HS6ST3: variants seen among roughly 807,000 people sequenced by gnomAD.
HS6ST3 encodes heparan sulfate 6-O-sulfotransferase 3.
HS6ST3 carries 12 observed loss-of-function variants against 36.7 expected under a neutral mutation model. The observed-to-expected ratio is 0.33, with a 90% CI of 0.21 to 0.53. HS6ST3 has a LOEUF of 0.53. Ranked by LOEUF, HS6ST3 falls within the 20% of genes least tolerant of loss-of-function variation. The probability of loss-of-function intolerance (pLI) is 0.95; values close to 1 mark genes in which losing one functional copy is unlikely to be tolerated. For synonymous variants in HS6ST3, 240 were observed against 257.5 expected, an observed-to-expected ratio of 0.93 and a Z score of 0.65; for missense variants, 584 against 640.9, an observed-to-expected ratio of 0.91 and a Z score of 0.96.
At chr13:96,259,158 G>A (rs541801292) in intron 1 of HS6ST3, among the ~76,000 whole-genome samples, 2 of 152,262 alleles carry the variant, frequency 1.3e-5, no homozygotes, top group Non-Finnish European at 2.9e-5. Context: ...GTGTGTGTCT[G>A]TGTGTTTGTG....
At chr13:96,780,211 C>T (rs973260852) in intron 1 of HS6ST3, among the ~76,000 whole-genome samples, 1 of 152,148 alleles carries the variant, frequency 6.6e-6, no homozygotes, top group African/African-American at 2.4e-5. Flanking sequence ...CTGAAGGATC[C>T]ATGCAGAGAG....
At chr13:96,334,036 G>A (rs906007617) in intron 1 of HS6ST3, among the ~76,000 whole-genome samples, 3 of 152,184 alleles carry the variant, frequency 2.0e-5, no homozygotes, top group African/African-American at 4.8e-5. Context: ...TGGGTACACT[G>A]TGGCCCAGAA....
chr13:96,368,426 T>C (rs2055273936), intron 1 of HS6ST3, among the ~76,000 whole-genome samples: 1 of 151,924 alleles, frequency 6.6e-6, no homozygotes, highest in African/African-American at 2.4e-5. Flanking sequence ...GCTGGTAGAC[T>C]CGTTCGATGA....
At chr13:96,242,804 C>G (rs2054567219) in intron 1 of HS6ST3, among the ~76,000 whole-genome samples, 1 of 152,094 alleles carries the variant, frequency 6.6e-6, no homozygotes, top group Admixed American at 6.6e-5. Context: ...ACCATAGAAT[C>G]CAACAGTCTC....
chr13:96,737,469 C>CA (rs1341606025), intron 1 of HS6ST3, among the ~76,000 whole-genome samples: 1 of 149,894 alleles, frequency 6.7e-6, no homozygotes, highest in African/African-American at 2.5e-5. Context: ...ACTAAAAATA[C>CA]AAAAAATTAG....
At chr13:96,595,685 G>T (rs2056399046) in intron 1 of HS6ST3, among the ~76,000 whole-genome samples, 1 of 151,370 alleles carries the variant, frequency 6.6e-6, no homozygotes, top group African/African-American at 2.4e-5. Flanking sequence ...TTGATTTTTT[G>T]ATGTTGTTTC....
chr13:96,383,894 C>A (rs532403058), intron 1 of HS6ST3, among the ~76,000 whole-genome samples: 4 of 152,254 alleles, frequency 2.6e-5, no homozygotes, highest in African/African-American at 4.8e-5. Flanking sequence ...CAGACAAATA[C>A]AACCTAAGAA....
At chr13:96,667,046 C>T (rs2056666362) in intron 1 of HS6ST3, among the ~76,000 whole-genome samples, 1 of 152,208 alleles carries the variant, frequency 6.6e-6, no homozygotes. Flanking sequence ...AGATAAACAC[C>T]ACACGTCCCA....
intron 1 of HS6ST3, among the ~76,000 whole-genome samples, chr13:96,741,251 C>A (rs913813154): frequency 6.6e-6 from 1 of 152,106 alleles, no homozygotes; most frequent in African/African-American, 2.4e-5. Context: ...CCCGAAGATT[C>A]CCTTGCTATT....
rs759756094 is a variant in HS6ST3 at position 96,525,899 on chromosome 13, G to A, written c.708-306591G>A. ...CCTCAAGAACTTTGTACTTTAGTCA[G>A]CAAGATATGCAAGTAAAACCACAAT... On this transcript the variant is annotated intron_variant, in intron 1 of 1. Coordinates refer to ENST00000376705, the MANE Select transcript of HS6ST3 (RefSeq NM_153456.4). Among the ~76,000 whole-genome samples, 68 of 152,142 alleles carry A rather than the reference G, an allele frequency of 4.5e-4. 1 individual carries two copies. Among genetic ancestry groups the A allele is most frequent in the Non-Finnish European group, 5.7e-4 (39 of 68,016 alleles).
chr13:96,306,327 C>T (rs982860503), intron 1 of HS6ST3, among the ~76,000 whole-genome samples: 1 of 151,974 alleles, frequency 6.6e-6, no homozygotes, highest in Non-Finnish European at 1.5e-5. Flanking sequence ...TAGTCTTGAT[C>T]TCTTGATCTT....
intron 1 of HS6ST3, among the ~76,000 whole-genome samples, chr13:96,600,954 G>A (rs2056419367): frequency 6.6e-6 from 1 of 152,020 alleles, no homozygotes; most frequent in Non-Finnish European, 1.5e-5. Flanking sequence ...AAAATTCTTG[G>A]CTGGCGGTTA....
chr13:96,258,556 G>A (rs1273218639), intron 1 of HS6ST3, among the ~76,000 whole-genome samples: 1 of 152,128 alleles, frequency 6.6e-6, no homozygotes, highest in African/African-American at 2.4e-5. Context: ...CCCTCATACA[G>A]TCAGAGTAAA....
chr13:96,619,937 T>A (rs2138993929), intron 1 of HS6ST3, among the ~76,000 whole-genome samples: 1 of 152,272 alleles, frequency 6.6e-6, no homozygotes, highest in African/African-American at 2.4e-5. Flanking sequence ...AGTTTAAGAT[T>A]TCCTGTCTGT....
intron 1 of HS6ST3, among the ~76,000 whole-genome samples, chr13:96,562,915 G>A (rs2056267630): frequency 6.6e-6 from 1 of 151,994 alleles, no homozygotes; most frequent in African/African-American, 2.4e-5. Context: ...GAGAAAGAAA[G>A]CAGCAAATGC....
chr13:96,108,234 A>C (rs1306933195), intron 1 of HS6ST3, among the ~76,000 whole-genome samples: 2 of 152,184 alleles, frequency 1.3e-5, no homozygotes, highest in Non-Finnish European at 2.9e-5. Context: ...ATGCAGTTGT[A>C]GATAGGGATG....
At chr13:96,547,685 C>A (rs769552416) in intron 1 of HS6ST3, among the ~76,000 whole-genome samples, 1 of 152,074 alleles carries the variant, frequency 6.6e-6, no homozygotes, top group Non-Finnish European at 1.5e-5. Flanking sequence ...TTATCTGCCA[C>A]CTTGATTGTT....
At chr13:96,804,985 A>G (rs1253933516) in intron 1 of HS6ST3, among the ~76,000 whole-genome samples, 1 of 152,236 alleles carries the variant, frequency 6.6e-6, no homozygotes, top group African/African-American at 2.4e-5. Context: ...TATATCTGAA[A>G]GTGTGACAAA....
chr13:96,157,415 G>T (rs2054115474), intron 1 of HS6ST3, among the ~76,000 whole-genome samples: 2 of 152,230 alleles, frequency 1.3e-5, no homozygotes, highest in South Asian at 2.1e-4. Flanking sequence ...ATGTCAGCTG[G>T]CAGGAAGAGA....
Sources: allele counts gnomAD v4.1 joint callset (sites outside exome capture counted in the v4.1 genomes callset), GRCh38; gene constraint gnomAD v4.1.1; transcripts MANE v1.5; gene names NCBI Gene and HGNC (gene_info 2026-07-23, HGNC 2026-07-21).